The following XIST variants were observed in gnomAD, a reference collection of about 807,000 sequenced individuals.
XIST encodes the protein X inactive specific transcript, also known as X inactive specific transcript (non-protein coding).
exon 1 of XIST, chrX:73,850,459 G>A (rs753129452): frequency 1.3e-5 from 7 of 541,409 alleles, no homozygotes; most frequent in Non-Finnish European, 2.0e-5. Context: ...AAATCAGACT[G>A]TATGACTGAC....
At chrX:73,851,634 T>TA (rs780492389) in exon 1 of XIST, 3 of 559,036 alleles carry the variant, frequency 5.4e-6, no homozygotes, top group African/African-American at 2.2e-5. Context: ...AGATGATTCT[T>TA]ACTGCCTCCC....
In XIST at chrX:73,838,821, A is replaced by G. The variant is rs540058110; in HGVS notation, n.11343-1318T>C. 6.3e-5 allele frequency among the ~76,000 whole-genome samples: 7 copies of G among 111,634 alleles called. No individual in the cohort carries two copies. The South Asian group carries it at 1.5e-3, about 24-fold the overall frequency. ...GATTTTTGAAGGAAACCTGTGTAAA[A>G]TGCTACTTGCCTACAGCCCAAAATA... is the stretch of plus-strand genomic sequence containing the variant. On this transcript the variant is annotated intron_variant and non_coding_transcript_variant, in intron 1 of 5. Coordinates refer to ENST00000429829, the Ensembl canonical transcript of XIST.
chrX:73,822,637 G>T, exon 6 of XIST: 1 of 521,615 alleles, frequency 1.9e-6, no homozygotes. Flanking sequence ...AAATGGTTGA[G>T]ATAACAGTCA....
chrX:73,836,590 G>A (rs1440101590), intron 2 of XIST, among the ~76,000 whole-genome samples: 2 of 111,723 alleles, frequency 1.8e-5, no homozygotes, highest in Non-Finnish European at 3.8e-5. Context: ...TTATAGCTAT[G>A]TGCATATACA....
Position 73,823,476 on chromosome X carries a change from TC to T in XIST, n.16424del, listed in dbSNP as rs1390661876. 12 of 517,403 alleles carry T rather than the reference TC, an allele frequency of 2.3e-5. No individual in the cohort carries two copies. The Admixed American group carries it at 3.2e-4, about 14-fold the overall frequency. The allele number at this position is 517,403 out of a possible 1,213,427, so 42.6% of individuals were successfully genotyped here. A position where few individuals can be genotyped will look rare whatever the true frequency, so the allele number is the denominator to read the frequency against. On this transcript the variant is annotated non_coding_transcript_exon_variant, in exon 6 of 6. Coordinates refer to ENST00000429829, the Ensembl canonical transcript of XIST. ...TTCAGCTGTCAGTGATCTAATGCCC[TC>T]ATCTCTCTTATCCTCAGGACCCAGA... is the stretch of plus-strand genomic sequence containing the variant.
chrX:73,846,238 A>G (rs1348997548), exon 1 of XIST: 1 of 559,384 alleles, frequency 1.8e-6, no homozygotes, highest in Non-Finnish European at 3.2e-6. Context: ...GGGGTCTGAG[A>G]GTAGGATTTT....
exon 6 of XIST, chrX:73,821,134 C>A (rs1245198006): frequency 1.8e-6 from 1 of 557,696 alleles, no homozygotes; most frequent in Admixed American, 2.2e-5. Flanking sequence ...GCTGATACCA[C>A]ACATTGAAAG....
chrX:73,835,405 T>C (rs1922464633), intron 2 of XIST, among the ~76,000 whole-genome samples: 1 of 112,307 alleles, frequency 8.9e-6, no homozygotes, highest in African/African-American at 3.2e-5. Context: ...TGGCAGGATT[T>C]AAAGCAGTTT....
intron 3 of XIST, among the ~76,000 whole-genome samples, chrX:73,832,919 G>C (rs140601809): frequency 0.028 from 3,174 of 111,379 alleles, 60 homozygotes; most frequent in Non-Finnish European, 0.037. Context: ...GTCCCGCTCT[G>C]CCACCTAGGC....
chrX:73,822,298 A>G (rs1479692267), exon 6 of XIST: 5 of 558,125 alleles, frequency 9.0e-6, no homozygotes, highest in Non-Finnish European at 1.6e-5. Flanking sequence ...CTACCTGCTT[A>G]TCGTAGTGGC....
exon 6 of XIST, chrX:73,825,177 T>C (rs1922221768): frequency 3.7e-6 from 2 of 544,614 alleles, no homozygotes; most frequent in South Asian, 2.3e-5. Context: ...GTTTTCAGTA[T>C]ATTTTAAAGT....
chrX:73,821,836 T>TA (rs752396555), exon 6 of XIST: 1 of 538,466 alleles, frequency 1.9e-6, no homozygotes, highest in South Asian at 2.4e-5. Flanking sequence ...GGTAAAATGT[T>TA]AAGCTGTTTT....
At chrX:73,824,111 A>T (rs1338675814) in exon 6 of XIST, 1 of 544,281 alleles carries the variant, frequency 1.8e-6, no homozygotes, top group Admixed American at 2.3e-5. Flanking sequence ...TATGGGTGGC[A>T]GTTTACAAAT....
At chrX:73,844,824 T>C (rs747194305) in exon 1 of XIST, 5 of 551,850 alleles carry the variant, frequency 9.1e-6, no homozygotes, top group Non-Finnish European at 1.6e-5. Flanking sequence ...ACACACATTA[T>C]TGACCAAGGT....
chrX:73,843,138 T>C (rs1404883672), exon 1 of XIST: 4 of 558,331 alleles, frequency 7.2e-6, no homozygotes, highest in Non-Finnish European at 1.3e-5. Context: ...CATTGATAAC[T>C]GCCATTGTGC....
chrX:73,829,141 T>C (rs764105636), exon 5 of XIST: 2 of 557,258 alleles, frequency 3.6e-6, no homozygotes, highest in Admixed American at 4.5e-5. Context: ...CTTCCTTCAG[T>C]GTGTTCAAAT....
At chrX:73,846,378 A>C (rs1437829786) in exon 1 of XIST, 1 of 557,403 alleles carries the variant, frequency 1.8e-6, no homozygotes, top group African/African-American at 2.2e-5. Context: ...TCCCTGCTGG[A>C]AGGGAAAGGT....
At chrX:73,827,635 G>T (rs973161200) in exon 6 of XIST, 5 of 548,128 alleles carry the variant, frequency 9.1e-6, no homozygotes, top group Non-Finnish European at 1.6e-5. Flanking sequence ...AGGGGAAGGG[G>T]TAACAAATAA....
At chrX:73,844,941 G>A (rs1180653951) in exon 1 of XIST, 1 of 556,989 alleles carries the variant, frequency 1.8e-6, no homozygotes, top group Admixed American at 2.2e-5. Context: ...AGGGTGGGGT[G>A]GGGCAGGGGA....
Sources: gnomAD v4.1 joint callset for allele counts (sites outside exome capture counted in the v4.1 genomes callset) on GRCh38, gnomAD v4.1.1 for gene constraint, MANE v1.5 for transcripts, NCBI Gene and HGNC (gene_info 2026-07-23, HGNC 2026-07-21) for gene names.